Variants in SPG11 observed in about 807,000 individuals in gnomAD.
SPG11 encodes spatacsin.
In SPG11, 222 loss-of-function variants were observed where a neutral mutation model predicts 274.0. The observed-to-expected ratio is 0.81, with a 90% CI of 0.73 to 0.91. The LOEUF is 0.91. Among genes scored for constraint, SPG11 ranks in the 40% least tolerant of loss-of-function variants. The probability of loss-of-function intolerance (pLI) is 0.00; values close to 1 mark genes in which losing one functional copy is unlikely to be tolerated. For synonymous variants in SPG11, 1,144 were observed against 1,039.7 expected (o/e 1.10, Z -1.93); for missense variants, 3,114 against 2,872.7 (o/e 1.08, Z -1.92).
intron 28 of SPG11, 109 bp downstream of exon 28, chr15:44,589,143 G>A (rs2082839028): frequency 8.8e-7 from 1 of 1,139,038 alleles, no homozygotes; most frequent in South Asian, 1.3e-5. Flanking sequence ...GTTGTAGACT[G>A]TAAGTTAATG....
rs140582941 is a variant in SPG11 at position 44,590,522 on chromosome 15, C to G, written c.4744-1108G>C. 5.9e-5 allele frequency: 9 copies of G among 152,032 alleles called. No homozygotes were observed. In the East Asian group the frequency reaches 1.8e-3, roughly 30 times the overall value. 9.4% of individuals were successfully genotyped at this position (152,032 alleles called of 1,614,324 possible). A position where few individuals can be genotyped will look rare whatever the true frequency, so the allele number is the denominator to read the frequency against. ...AACTCCTGGCCTCAAGCCATTCTCC[C>G]ACCTCTGCCTCCCTGAGTGCTGGGA... On this transcript the variant is annotated intron_variant, in intron 27 of 39. Transcript: ENST00000261866.
At chr15:44,641,262 T>TA (rs1358049441) in intron 7 of SPG11, among the ~76,000 whole-genome samples, 11 of 151,814 alleles carry the variant, frequency 7.2e-5, no homozygotes, top group Admixed American at 6.6e-4. Flanking sequence ...TCCACTGCAT[T>TA]AAAAAAAATT....
intron 7 of SPG11, among the ~76,000 whole-genome samples, chr15:44,643,412 A>G (rs1365458354): frequency 6.6e-6 from 1 of 152,212 alleles, no homozygotes; most frequent in Non-Finnish European, 1.5e-5. Context: ...TTTTCTTACA[A>G]TGATATTTTA....
At position 44,626,375 on chromosome 15, in the gene SPG11, T is replaced by A; in HGVS notation, c.2200A>T (p.Lys734Ter). 6.2e-7 allele frequency: 1 copy of A among 1,613,586 alleles called. No individual in the cohort carries two copies. Among genetic ancestry groups the A allele is most frequent in the Non-Finnish European group, 8.5e-7 (1 of 1,179,868 alleles). ...GAGGCTTCCTTTATATTGTTCTTTTTTAAATTGTCAAAGACCAAATTTAGG... is the reference window on the plus strand; with the variant it reads ...GAGGCTTCCTTTATATTGTTCTTTTATAAATTGTCAAAGACCAAATTTAGG... The part of the protein sequence containing the change: ...IGLNLVFDNL[K>*]KNNIKEASEL... Residue 734 changes from lysine to a stop codon, truncating the protein, a stop_gained, in exon 11 of 40, where the codon AAA becomes TAA. Transcript: ENST00000261866. LOFTEE classifies it high-confidence loss of function.
chr15:44,656,566 A>C (rs534769988), intron 4 of SPG11, among the ~76,000 whole-genome samples: 23 of 152,312 alleles, frequency 1.5e-4, no homozygotes, highest in African/African-American at 5.5e-4. Flanking sequence ...AGCAAGCTGG[A>C]AAGTTTGGGA....
intron 29 of SPG11, 86 bp downstream of exon 29, chr15:44,585,550 G>C (rs933324539): frequency 3.6e-6 from 4 of 1,100,096 alleles, no homozygotes; most frequent in Middle Eastern, 5.8e-4. Flanking sequence ...TGCAGCGAGC[G>C]GAGATCGCGC....
chr15:44,628,830 G>A lies in SPG11; in HGVS notation c.1906C>T (p.Leu636=), dbSNP rs145316065. ...GTCAAAATGTTCACTCCTTTTTGCA[G>A]ATGTTCATCTAGTTCTATGGAAAAT... ...FIHTEELDEH[L]QKGVNILTSY... Residue 636 remains leucine, a synonymous_variant, in exon 10 of 40, where the codon CTG becomes TTG. Coordinates refer to ENST00000261866, the MANE Select transcript of SPG11 (RefSeq NM_025137.4). The A allele has an allele frequency of 8.7e-5, 141 of 1,613,192 alleles. 3 individuals carry two copies. The African/African-American group carries it at 1.7e-3, about 20-fold the overall frequency.
rs1409766411 is a variant in SPG11 at position 44,660,577 on chromosome 15, A to G, written c.297T>C (p.Thr99=). The change falls in exon 2 of 40, where the codon ACT becomes ACC. Residue 99 remains threonine, a synonymous_variant. Coordinates refer to ENST00000261866, the MANE Select transcript of SPG11 (RefSeq NM_025137.4). Reference sequence around the variant, plus strand: ...CAAGAGCGAGCAGTTTGGGCTTTTCAGTTGGTGTGCTGCTGTTACGAGAAT... The same window carrying G: ...CAAGAGCGAGCAGTTTGGGCTTTTCGGTTGGTGTGCTGCTGTTACGAGAAT... ...WEDSRNSSTP[T]EKPKLLALGE... is the part of the protein sequence containing the mutation. The G allele has an allele frequency of 1.9e-6, 3 of 1,614,178 alleles. No individual in the cohort carries two copies. In the East Asian group the frequency reaches 6.7e-5, roughly 36 times the overall value.
rs150077116 is a variant in SPG11 at position 44,583,989 on chromosome 15, T to C, written c.5691A>G (p.Val1897=). ...GATTATAAAAATGAAAATACCGGCATACTCTACTTGCTTCATGCACACAGC... is the reference window on the plus strand; with the variant it reads ...GATTATAAAAATGAAAATACCGGCACACTCTACTTGCTTCATGCACACAGC... The part of the protein sequence containing the change: ...DDGCVHEASR[V]CRYFHFYNPD... The change falls in exon 30 of 40, where the codon GTA becomes GTG. Residue 1897 remains valine, a synonymous_variant. Transcript: ENST00000261866. 1.2e-6 allele frequency: 2 copies of C among 1,614,084 alleles called. No individual in the cohort carries two copies. Among genetic ancestry groups the C allele is most frequent in the Non-Finnish European group, 1.7e-6 (2 of 1,180,042 alleles).
chr15:44,592,333 T>G lies in SPG11; in HGVS notation c.4741A>C (p.Thr1581Pro). The change falls in exon 27 of 40, where the codon ACG (threonine) becomes CCG (proline). Residue 1581 changes from threonine to proline, a missense_variant and splice_region_variant. By Grantham distance (38) the Thr-to-Pro change is conservative. Transcript: ENST00000261866. ...KLLEFQKSLETLNTAATKVHP... is the reference protein window; with the variant it reads ...KLLEFQKSLEPLNTAATKVHP... ...AGAGCACCATAATTCCAACTTACCG[T>G]TTCAAGGCTCTTCTGAAACTCCAGA... is the stretch of plus-strand genomic sequence containing the variant. The G allele has an allele frequency of 6.3e-7, 1 of 1,589,732 alleles. No individual in the cohort carries two copies. The highest frequency in any genetic ancestry group is 1.1e-5 in the South Asian group (1 of 90,540).
At chr15:44,575,114 A>G in intron 30 of SPG11, 73 bp from the exon 31 acceptor site, 1 of 1,585,868 alleles carries the variant, frequency 6.3e-7, no homozygotes, top group East Asian at 2.3e-5. Context: ...CTATGGCTCT[A>G]CCTCTCTGCT....
At position 44,585,720 on chromosome 15, in the gene SPG11, T is replaced by C; in HGVS notation, c.5037A>G (p.Arg1679=). 6.2e-7 allele frequency: 1 copy of C among 1,613,882 alleles called. No homozygotes were observed. The highest frequency in any genetic ancestry group is 1.1e-5 in the South Asian group (1 of 91,080). Residue 1679 remains arginine (R), a synonymous_variant, in exon 29 of 40, where the codon AGA becomes AGG. Transcript: ENST00000261866. ...LQHECRSILE[R]LQTDGQFALA... is the part of the protein sequence containing the mutation. Reference sequence around the variant, plus strand: ...AAGCGAATTGTCCATCTGTCTGCAGTCTTTCCAAAATAGATCTACATTCAT... The same window carrying C: ...AAGCGAATTGTCCATCTGTCTGCAGCCTTTCCAAAATAGATCTACATTCAT...
At chr15:44,653,571 T>A (rs768045894) in intron 4 of SPG11, among the ~76,000 whole-genome samples, 22 of 151,962 alleles carry the variant, frequency 1.4e-4, no homozygotes, top group Admixed American at 3.3e-4. Context: ...CATGAGGAGA[T>A]CAAGTAGGAG....
rs187767651 is a variant in SPG11 at position 44,614,787 on chromosome 15, A to G, written c.3038+576T>C. Among the ~76,000 whole-genome samples the G allele has an allele frequency of 3.9e-5, 6 of 152,342 alleles. No individual in the cohort carries two copies. The East Asian group carries it at 9.6e-4, about 24-fold the overall frequency. On this transcript the variant is annotated intron_variant, in intron 16 of 39. Transcript: ENST00000261866. ...GTACTTAGCTTAGTGCCAACATTGT[A>G]AACACTCACATATTAAAGACTACTT...
intron 12 of SPG11, 44 bp downstream of exon 12, chr15:44,622,684 G>C (rs763406031): frequency 7.6e-5 from 113 of 1,486,448 alleles, no homozygotes; most frequent in Non-Finnish European, 9.4e-5. Context: ...TTTTCACCCA[G>C]GCTTTCTAGA....
chr15:44,599,161 T>G (rs1246605232), intron 21 of SPG11, among the ~76,000 whole-genome samples: 1 of 152,124 alleles, frequency 6.6e-6, no homozygotes, highest in African/African-American at 2.4e-5. Flanking sequence ...CAATTATGAG[T>G]ACGTATACAA....
In SPG11 at chr15:44,651,853, T is replaced by A. The variant is rs748716733; in HGVS notation, c.1094A>T (p.Asp365Val). ...TTCAGGTGACTCCAAATGCAAAATA[T>A]CCTGGAACCATGGAGCACAACAGGA... ...EVSCCAPWFQDILHLESPESG... is the reference protein window; with the variant it reads ...EVSCCAPWFQVILHLESPESG... The change falls in exon 6 of 40, where the codon GAT becomes GTT. Residue 365 changes from aspartate (D) to valine (V), a missense_variant. Asp to Val is a radical substitution (Grantham distance 152). Transcript: ENST00000261866. 4 of 1,613,920 alleles carry A rather than the reference T, an allele frequency of 2.5e-6. No individual in the cohort carries two copies. Among genetic ancestry groups the A allele is most frequent in the Non-Finnish European group, 3.4e-6 (4 of 1,179,878 alleles).
rs149226233 is a variant in SPG11, at chr15:44,565,930, C to T, written c.6923G>A (p.Gly2308Asp). 3 of 1,613,578 alleles carry T rather than the reference C, an allele frequency of 1.9e-6. No individual in the cohort carries two copies. The highest frequency in any genetic ancestry group is 1.3e-5 in the African/African-American group (1 of 74,842). ...CAAGTTGATGAGCATTGTGTTCTGG[C>T]CAGTGTTCAGAAAGTGAATCTGCAG... is the stretch of plus-strand genomic sequence containing the variant. ...ITLQIHFLNT[G>D]QNTMLINLGR... The change falls in exon 38 of 40, where the codon GGC becomes GAC. Residue 2308 changes from glycine (G) to aspartate (D), a missense_variant. Transcript: ENST00000261866.
chr15:44,633,577 G>T lies in SPG11; in HGVS notation c.1663C>A (p.Leu555Ile). ...VNFFLKSKEN[L>I]FNPSSKSSVS... The stretch of plus-strand genomic sequence containing the variant: ...GAAGATTTTGAGGATGGATTAAAAA[G>T]ATTTTCCTTGCTCTTCAAAAAGAAA... Residue 555 changes from leucine (L) to isoleucine (I), a missense_variant, in exon 8 of 40, where the codon CTT becomes ATT. Coordinates refer to ENST00000261866, the MANE Select transcript of SPG11 (RefSeq NM_025137.4). The T allele has an allele frequency of 1.9e-6, 3 of 1,613,022 alleles. No individual in the cohort carries two copies. Among genetic ancestry groups the T allele is most frequent in the Non-Finnish European group, 2.5e-6 (3 of 1,179,326 alleles).
Sources: gnomAD v4.1 joint callset for allele counts (sites outside exome capture counted in the v4.1 genomes callset) on GRCh38, gnomAD v4.1.1 for gene constraint, MANE v1.5 for transcripts, NCBI Gene and HGNC (gene_info 2026-07-23, HGNC 2026-07-21) for gene names.